Variants in ZNF440 observed in about 807,000 individuals in gnomAD.
ZNF440 encodes zinc finger protein 440.
Under a neutral mutation model 49.7 loss-of-function variants are expected in ZNF440, and 47 were observed. The observed-to-expected ratio is 0.95, with a 90% CI of 0.75 to 1.21. The LOEUF (loss-of-function observed/expected upper bound fraction) is 1.21. ZNF440 is among the 50% of genes most tolerant of loss of function. The pLI is 0.00. For missense variants in ZNF440, 703 were observed against 715.0 expected (o/e 0.98, Z 0.19); for synonymous variants, 255 against 237.7 (o/e 1.07, Z -0.67).
intron 1 of ZNF440, among the ~76,000 whole-genome samples, chr19:11,821,204 T>G (rs187520742): frequency 2.0e-5 from 3 of 152,242 alleles, no homozygotes; most frequent in Admixed American, 2.0e-4. Flanking sequence ...TGACCTAATA[T>G]GCCCACAGTT....
chr19:11,831,561 A>T lies in ZNF440; in HGVS notation c.385A>T (p.Ile129Phe). 1 of 1,614,140 alleles carries T rather than the reference A, an allele frequency of 6.2e-7. No individual in the cohort carries two copies. The change falls in exon 4 of 4, where the codon ATT (isoleucine) becomes TTT (phenylalanine). Residue 129 changes from isoleucine (I) to phenylalanine (F), a missense_variant. Ile to Phe is a conservative substitution (Grantham distance 21, BLOSUM62 0). Transcript: ENST00000304060. The part of the protein sequence containing the change: ...SSFNMNIRGD[I>F]GHKAYEYQEY... ...TTTTAATATGAACATCAGAGGTGAC[A>T]TTGGACACAAGGCATATGAGTATCA...
Position 11,832,747 on chromosome 19 carries a change from C to T in ZNF440, c.1571C>T (p.Ser524Leu). ...AATGCGAGCAATGTGGGAAAGCCTT[C>T]AGAGCTGTGTCAATCCTTTGAATGC... is the stretch of plus-strand genomic sequence containing the variant. Reference protein sequence around the residue: ...PINASNVGKPSELCQSFECMV... With the variant: ...PINASNVGKPLELCQSFECMV... Residue 524 changes from serine to leucine, a missense_variant, in exon 4 of 4, where the codon TCA becomes TTA. By Grantham distance (145) the Ser-to-Leu change is moderately radical. Transcript: ENST00000304060. 3 of 1,612,926 alleles carry T rather than the reference C, an allele frequency of 1.9e-6. No homozygotes were observed. Among genetic ancestry groups the T allele is most frequent in the Non-Finnish European group, 2.5e-6 (3 of 1,179,672 alleles).
intron 3 of ZNF440, 51 bp downstream of exon 3, chr19:11,830,728 T>C (rs1599296382): frequency 6.4e-7 from 1 of 1,551,212 alleles, no homozygotes; most frequent in Non-Finnish European, 8.7e-7. Context: ...AATCTTAGAA[T>C]ATGACAATAT....
Position 11,819,606 on chromosome 19 carries a change from G to T in ZNF440, c.3+5156G>T, listed in dbSNP as rs558077119. 5.3e-5 allele frequency among the ~76,000 whole-genome samples: 8 copies of T among 152,046 alleles called. No individual in the cohort carries two copies. The South Asian group carries it at 1.5e-3, about 28-fold the overall frequency. On this transcript the variant is annotated intron_variant, in intron 1 of 3. Coordinates refer to ENST00000304060, the MANE Select transcript of ZNF440 (RefSeq NM_152357.3). The stretch of plus-strand genomic sequence containing the variant: ...TAAAGGTGGGGGTTTCACCATGTTG[G>T]CCAGGCTGGCCTCGAACTCCTGGCC...
Position 11,814,411 on chromosome 19 carries a change from CACGCAGAGG to C in ZNF440, c.-32_-24del, listed in dbSNP as rs769195555. 6.4e-7 allele frequency: 1 copy of C among 1,559,904 alleles called. No homozygotes were observed. Among genetic ancestry groups the C allele is most frequent in the Non-Finnish European group, 8.7e-7 (1 of 1,154,658 alleles). ...TGTGACCTACACTAGTCGCGGGAGC[CACGCAGAGG>C]ACGCCGGAACACCCTGGAAGCCGAG... On this transcript the variant is annotated 5_prime_UTR_variant, in exon 1 of 4. Coordinates refer to ENST00000304060, the MANE Select transcript of ZNF440 (RefSeq NM_152357.3).
chr19:11,820,678 G>A (rs889814557), intron 1 of ZNF440, among the ~76,000 whole-genome samples: 2 of 152,116 alleles, frequency 1.3e-5, no homozygotes, highest in Admixed American at 6.6e-5. Context: ...TAATAGTGGA[G>A]GAGATGCCTG....
intron 1 of ZNF440, among the ~76,000 whole-genome samples, chr19:11,814,871 G>A (rs1390423208): frequency 6.6e-6 from 1 of 152,110 alleles, no homozygotes; most frequent in Non-Finnish European, 1.5e-5. Context: ...GAGCGGGGTA[G>A]GGCAGGGGTT....
chr19:11,819,141 C>G (rs372759091), intron 1 of ZNF440, among the ~76,000 whole-genome samples: 3 of 152,088 alleles, frequency 2.0e-5, no homozygotes, highest in South Asian at 2.1e-4. Context: ...GACCCTCCCC[C>G]CCATCTCAAT....
intron 1 of ZNF440, among the ~76,000 whole-genome samples, chr19:11,825,093 G>T (rs1194750151): frequency 6.6e-6 from 1 of 151,700 alleles, no homozygotes; most frequent in Admixed American, 6.6e-5. Flanking sequence ...CAAAGCAGCA[G>T]GACAGCTTGG....
chr19:11,824,793 C>T (rs559197594), intron 1 of ZNF440, among the ~76,000 whole-genome samples: 3 of 150,612 alleles, frequency 2.0e-5, no homozygotes, highest in South Asian at 4.2e-4. Flanking sequence ...CTGCAACCTC[C>T]GCCTCCTGGG....
chr19:11,831,465 A>G lies in ZNF440; in HGVS notation c.289A>G (p.Lys97Glu), dbSNP rs762798321. ...VPDDRLNFQEKKASPEVKSCE... is the reference protein window; with the variant it reads ...VPDDRLNFQEEKASPEVKSCE... ...AGATGACAGACTGAACTTCCAGGAGAAGAAAGCTTCTCCTGAAGTAAAATC... is the reference window on the plus strand; with the variant it reads ...AGATGACAGACTGAACTTCCAGGAGGAGAAAGCTTCTCCTGAAGTAAAATC... The change falls in exon 4 of 4, where the codon AAG becomes GAG. Residue 97 changes from lysine to glutamate, a missense_variant. Transcript: ENST00000304060. 1.4e-5 allele frequency: 22 copies of G among 1,613,832 alleles called. No homozygotes were observed. Among genetic ancestry groups the G allele is most frequent in the Middle Eastern group, 3.3e-4 (2 of 6,078 alleles).
intron 1 of ZNF440, among the ~76,000 whole-genome samples, chr19:11,828,536 T>C (rs1975894023): frequency 6.6e-6 from 1 of 152,076 alleles, no homozygotes; most frequent in South Asian, 2.1e-4. Flanking sequence ...GTAAAACTTA[T>C]CAGCTTAAGA....
chr19:11,823,716 T>G (rs2145122379), intron 1 of ZNF440, among the ~76,000 whole-genome samples: 1 of 152,212 alleles, frequency 6.6e-6, no homozygotes, highest in South Asian at 2.1e-4. Flanking sequence ...GTAATCCCAA[T>G]ATTTGGGAGG....
chr19:11,814,358 A>G lies in ZNF440; in HGVS notation c.-90A>G, dbSNP rs1975704890. 6 of 1,437,500 alleles carry G rather than the reference A, an allele frequency of 4.2e-6. No individual in the cohort carries two copies. The South Asian group carries it at 8.3e-5, about 20-fold the overall frequency. The allele number at this position is 1,437,500 out of a possible 1,614,324, so 89.0% of individuals were successfully genotyped here. A position where few individuals can be genotyped will look rare whatever the true frequency, so the allele number is the denominator to read the frequency against. ...TCGAGAGGGACTAGGTGCCTCCACC[A>G]GAGCTTCTGTCGCTCTGTAACCTGC... is the stretch of plus-strand genomic sequence containing the variant. On this transcript the variant is annotated 5_prime_UTR_variant, in exon 1 of 4. Coordinates refer to ENST00000304060, the MANE Select transcript of ZNF440 (RefSeq NM_152357.3).
chr19:11,824,554 A>G (rs536078461), intron 1 of ZNF440, among the ~76,000 whole-genome samples: 156 of 152,258 alleles, frequency 1.0e-3, no homozygotes, highest in African/African-American at 3.7e-3. Flanking sequence ...ATTTTAACTC[A>G]GTTATGAACC....
Position 11,833,075 on chromosome 19 carries a change from T to G in ZNF440, c.*111T>G, listed in dbSNP as rs1206283152. On this transcript the variant is annotated 3_prime_UTR_variant, in exon 4 of 4. Transcript: ENST00000304060. The stretch of plus-strand genomic sequence containing the variant: ...TTACACTGGAGAGAAACCCTATGAG[T>G]GTAAGCAATGTGGGAAAGCCTTTGT... 1.4e-5 allele frequency: 22 copies of G among 1,535,800 alleles called. 1 individual carries two copies. The East Asian group carries it at 3.2e-4, about 22-fold the overall frequency.
intron 1 of ZNF440, among the ~76,000 whole-genome samples, chr19:11,828,088 T>C (rs901517348): frequency 5.9e-5 from 9 of 152,178 alleles, no homozygotes; most frequent in Non-Finnish European, 1.2e-4. Context: ...CAGTAGGATA[T>C]AAATAACTCC....
chr19:11,827,173 C>T (rs1568241764), intron 1 of ZNF440, among the ~76,000 whole-genome samples: 1 of 151,518 alleles, frequency 6.6e-6, no homozygotes, highest in Admixed American at 6.6e-5. Context: ...CAGTGATTCT[C>T]CTGCCTCAGC....
At chr19:11,815,783 A>G (rs1314481062) in intron 1 of ZNF440, 1 of 152,180 alleles carries the variant, frequency 6.6e-6, no homozygotes, top group African/African-American at 2.4e-5. Context: ...CGTGCCTGTA[A>G]TCCCAGCTAC....
Sources: gnomAD v4.1 joint callset for allele counts (sites outside exome capture counted in the v4.1 genomes callset) on GRCh38, gnomAD v4.1.1 for gene constraint, MANE v1.5 for transcripts, NCBI Gene and HGNC (gene_info 2026-07-23, HGNC 2026-07-21) for gene names.